CADPS: variants seen among roughly 807,000 people sequenced by gnomAD.
CADPS encodes the protein calcium dependent secretion activator.
Under a neutral mutation model 167.3 loss-of-function variants are expected in CADPS, and 57 were observed. That is an observed-to-expected ratio of 0.34 (90% confidence interval 0.28 to 0.42). The LOEUF (loss-of-function observed/expected upper bound fraction) is 0.42, where lower values mean the gene tolerates loss of function less well. Ranked by LOEUF, CADPS falls within the 20% of genes least tolerant of loss-of-function variation. The probability of loss-of-function intolerance (pLI) is 1.00; values close to 1 mark genes in which losing one functional copy is unlikely to be tolerated. For missense variants in CADPS, 1,414 were observed against 1,738.1 expected (o/e 0.81, Z 3.32); for synonymous variants, 676 against 635.3 (o/e 1.06, Z -0.96).
At chr3:62,564,607 CTTTT>C (rs11351162) in intron 9 of CADPS, among the ~76,000 whole-genome samples, 5 of 127,328 alleles carry the variant, frequency 3.9e-5, no homozygotes, top group Non-Finnish European at 3.4e-5. Context: ...AACCAGAAAT[CTTTT>C]TTTTTTTTTT....
intron 1 of CADPS, among the ~76,000 whole-genome samples, chr3:62,820,745 C>G (rs776599445): frequency 6.6e-6 from 1 of 151,534 alleles, no homozygotes; most frequent in African/African-American, 2.4e-5. Flanking sequence ...TCTTCCCTTT[C>G]TCCTCTTTAC....
At chr3:62,616,687 A>T (rs886385204) in intron 6 of CADPS, among the ~76,000 whole-genome samples, 6 of 152,198 alleles carry the variant, frequency 3.9e-5, no homozygotes, top group Admixed American at 6.5e-5. Context: ...TATAATGCTC[A>T]GCACTGTACA....
chr3:62,533,161 G>A, intron 12 of CADPS, 103 bp from the exon 13 acceptor site: 1 of 931,246 alleles, frequency 1.1e-6, no homozygotes, highest in South Asian at 1.6e-5. Flanking sequence ...AAAATAGCCA[G>A]AGCTAACACT....
intron 6 of CADPS, among the ~76,000 whole-genome samples, chr3:62,629,838 T>C (rs1316826118): frequency 2.0e-5 from 3 of 152,154 alleles, no homozygotes; most frequent in Non-Finnish European, 2.9e-5. Flanking sequence ...ACTTTAAACT[T>C]GCTTTTTTTC....
At chr3:62,819,407 C>CAT (rs758192103) in intron 1 of CADPS, among the ~76,000 whole-genome samples, 1 of 143,986 alleles carries the variant, frequency 6.9e-6, no homozygotes, top group African/African-American at 2.6e-5. Context: ...AATCTGTGTG[C>CAT]GTGTGTGTGT....
chr3:62,732,159 G>A (rs1396972307), intron 3 of CADPS, among the ~76,000 whole-genome samples: 1 of 152,144 alleles, frequency 6.6e-6, no homozygotes, highest in East Asian at 1.9e-4. Flanking sequence ...ATGCCCTTGT[G>A]TAACCTCTTC....
intron 29 of CADPS, 49 bp downstream of exon 29, chr3:62,403,032 A>T: frequency 8.3e-7 from 1 of 1,205,218 alleles, no homozygotes; most frequent in South Asian, 1.3e-5. Flanking sequence ...CCAGTGAAAT[A>T]TATTTCAGTA....
At chr3:62,709,780 T>G (rs1284378992) in intron 3 of CADPS, among the ~76,000 whole-genome samples, 1 of 151,762 alleles carries the variant, frequency 6.6e-6, no homozygotes, top group Non-Finnish European at 1.5e-5. Flanking sequence ...GTATTTATTA[T>G]TTTTTTTGAG....
At chr3:62,508,895 G>A (rs530144025) in intron 17 of CADPS, among the ~76,000 whole-genome samples, 4 of 152,048 alleles carry the variant, frequency 2.6e-5, no homozygotes, top group African/African-American at 9.6e-5. Context: ...CTTGGTGACA[G>A]TGTTTAAAAC....
At chr3:62,437,247 G>T (rs1560368537) in intron 28 of CADPS, among the ~76,000 whole-genome samples, 1 of 151,956 alleles carries the variant, frequency 6.6e-6, no homozygotes, top group Non-Finnish European at 1.5e-5. Context: ...TGGCAAATTC[G>T]GTGGAAACCC....
At chr3:62,792,509 T>G (rs1340735377) in intron 1 of CADPS, among the ~76,000 whole-genome samples, 1 of 151,986 alleles carries the variant, frequency 6.6e-6, no homozygotes, top group Non-Finnish European at 1.5e-5. Context: ...CAGCCTTGTT[T>G]AACTTTTAAA....
chr3:62,564,197 T>A lies in CADPS; in HGVS notation c.1644+6675A>T, dbSNP rs888358300. On this transcript the variant is annotated intron_variant, in intron 9 of 29. Coordinates refer to ENST00000383710, the MANE Select transcript of CADPS (RefSeq NM_003716.4). Reference sequence around the variant, plus strand: ...TTTGTATTTTTAGAAGAGATGGGGTTTCACCATGTTAGCCAGGATGGTCTA... The same window carrying A: ...TTTGTATTTTTAGAAGAGATGGGGTATCACCATGTTAGCCAGGATGGTCTA... Among the ~76,000 whole-genome samples, 6 of 152,094 alleles carry A rather than the reference T, an allele frequency of 3.9e-5. No individual in the cohort carries two copies. In the East Asian group the frequency reaches 1.2e-3, roughly 29 times the overall value.
rs191005557 is a variant in CADPS, at chr3:62,692,864, A to G, written c.889-30470T>C. 2.3e-4 allele frequency among the ~76,000 whole-genome samples: 35 copies of G among 152,216 alleles called. No individual in the cohort carries two copies. The East Asian group carries it at 5.4e-3, about 24-fold the overall frequency. ...ACATCTTTGTTATGTAAAGAAGGTC[A>G]TGTCATGCCCATACTTCAAAACCAT... is the stretch of plus-strand genomic sequence containing the variant. On this transcript the variant is annotated intron_variant, in intron 3 of 29. Transcript: ENST00000383710.
intron 23 of CADPS, among the ~76,000 whole-genome samples, chr3:62,475,602 AAAAAAAAAAAC>A (rs2061205415): frequency 6.7e-6 from 1 of 149,944 alleles, no homozygotes; most frequent in African/African-American, 2.5e-5. Context: ...AAAAAAAAAA[AAAAAAAAAAAC>A]ACCTAAAAAT....
chr3:62,709,123 C>T (rs1183936175), intron 3 of CADPS, among the ~76,000 whole-genome samples: 2 of 152,072 alleles, frequency 1.3e-5, no homozygotes, highest in Admixed American at 1.3e-4. Flanking sequence ...TTTAGGGTAC[C>T]TCCAGCTCTG....
intron 5 of CADPS, among the ~76,000 whole-genome samples, chr3:62,646,044 A>G (rs1161707600): frequency 6.6e-6 from 1 of 152,226 alleles, no homozygotes; most frequent in Non-Finnish European, 1.5e-5. Flanking sequence ...TGCCAGATAG[A>G]AAGACAAGGC....
At chr3:62,613,633 G>C (rs1052113322) in intron 6 of CADPS, among the ~76,000 whole-genome samples, 1 of 152,174 alleles carries the variant, frequency 6.6e-6, no homozygotes, top group South Asian at 2.1e-4. Context: ...TGACAAACCT[G>C]AAAGAGTTTG....
intron 7 of CADPS, among the ~76,000 whole-genome samples, chr3:62,589,772 A>G (rs2085504874): frequency 6.6e-6 from 1 of 152,158 alleles, no homozygotes; most frequent in Non-Finnish European, 1.5e-5. Flanking sequence ...CATCTATAAA[A>G]CAAAGGATTT....
intron 2 of CADPS, among the ~76,000 whole-genome samples, chr3:62,755,056 G>T (rs1408332249): frequency 6.6e-6 from 1 of 152,178 alleles, no homozygotes; most frequent in African/African-American, 2.4e-5. Context: ...AATTAACAAT[G>T]AATATAGGTG....
Sources: allele counts gnomAD v4.1 joint callset (sites outside exome capture counted in the v4.1 genomes callset), GRCh38; gene constraint gnomAD v4.1.1; transcripts MANE v1.5; gene names NCBI Gene and HGNC (gene_info 2026-07-23, HGNC 2026-07-21).